Variants in MAGI2 observed in about 807,000 individuals in gnomAD.
MAGI2 encodes membrane-associated guanylate kinase, WW and PDZ domain-containing protein 2.
Under a neutral mutation model 133.3 loss-of-function variants are expected in MAGI2, and 35 were observed. The ratio of observed to expected loss-of-function variants is 0.26; its 90% CI spans 0.20 to 0.35. The LOEUF is 0.35. Ranked by LOEUF, MAGI2 falls within the 10% of genes least tolerant of loss-of-function variation. The pLI is 1.00. For synonymous variants in MAGI2, 729 were observed against 710.6 expected (o/e 1.03, Z -0.41); for missense variants, 1,636 against 1,863.4 (o/e 0.88, Z 2.25).
At chr7:78,734,785 C>T (rs1326558958) in intron 2 of MAGI2, among the ~76,000 whole-genome samples, 4 of 152,116 alleles carry the variant, frequency 2.6e-5, no homozygotes, top group Non-Finnish European at 5.9e-5. Flanking sequence ...CTAAGGGATG[C>T]CAACCAAGCC....
At chr7:78,048,908 A>G (rs1277186792) in intron 21 of MAGI2, among the ~76,000 whole-genome samples, 2 of 151,856 alleles carry the variant, frequency 1.3e-5, no homozygotes, top group Non-Finnish European at 2.9e-5. Context: ...GGAGATCGAG[A>G]CCATCCTGGC....
chr7:78,558,962 T>C (rs1202267596), intron 3 of MAGI2, among the ~76,000 whole-genome samples: 1 of 150,336 alleles, frequency 6.7e-6, no homozygotes, highest in Non-Finnish European at 1.5e-5. Flanking sequence ...TAAATATACA[T>C]GAGACTAATT....
At chr7:78,765,393 G>A (rs999025712) in intron 2 of MAGI2, among the ~76,000 whole-genome samples, 3 of 116,514 alleles carry the variant, frequency 2.6e-5, no homozygotes, top group African/African-American at 1.0e-4. Context: ...TTGTCAACAA[G>A]GCTGGAGTAC....
chr7:79,449,244 T>C (rs1373548266), intron 1 of MAGI2, among the ~76,000 whole-genome samples: 1 of 152,100 alleles, frequency 6.6e-6, no homozygotes, highest in Admixed American at 6.5e-5. Flanking sequence ...CTACTTTCCT[T>C]TGAAGGTATC....
intron 9 of MAGI2, among the ~76,000 whole-genome samples, chr7:78,335,065 C>T (rs1172562649): frequency 6.6e-6 from 1 of 152,176 alleles, no homozygotes; most frequent in Admixed American, 6.5e-5. Flanking sequence ...GCTGCTTTCA[C>T]GATAGCAGAG....
chr7:78,911,149 T>C (rs912807864), intron 2 of MAGI2, among the ~76,000 whole-genome samples: 1 of 152,226 alleles, frequency 6.6e-6, no homozygotes, highest in Non-Finnish European at 1.5e-5. Context: ...CCATGATTAC[T>C]GCAAGCTCAG....
At chr7:79,078,565 C>T (rs1295963497) in intron 1 of MAGI2, among the ~76,000 whole-genome samples, 1 of 152,148 alleles carries the variant, frequency 6.6e-6, no homozygotes, top group Non-Finnish European at 1.5e-5. Flanking sequence ...AATACTTTCT[C>T]TAGGTTGTTG....
chr7:79,087,698 T>C (rs1816654082), intron 1 of MAGI2, among the ~76,000 whole-genome samples: 1 of 152,100 alleles, frequency 6.6e-6, no homozygotes, highest in Admixed American at 6.6e-5. Flanking sequence ...GGGTCCAGTT[T>C]CAGTTTTCTG....
chr7:78,120,117 AAGTGGCC>A (rs1282096817), intron 20 of MAGI2, among the ~76,000 whole-genome samples: 1 of 152,236 alleles, frequency 6.6e-6, no homozygotes, highest in Non-Finnish European at 1.5e-5. Flanking sequence ...GAAACTTGAC[AAGTGGCC>A]GGGCACAGTG....
At chr7:79,103,881 T>C (rs1224143906) in intron 1 of MAGI2, among the ~76,000 whole-genome samples, 2 of 151,882 alleles carry the variant, frequency 1.3e-5, no homozygotes, top group African/African-American at 4.8e-5. Context: ...TTTTATATTT[T>C]TAGTAGAGAC....
intron 2 of MAGI2, among the ~76,000 whole-genome samples, chr7:78,931,621 C>T (rs530187005): frequency 1.3e-4 from 20 of 152,118 alleles, no homozygotes; most frequent in African/African-American, 4.8e-4. Context: ...TTGTCAACCT[C>T]AGAATAGCCT....
chr7:78,038,129 A>G (rs1455526211), intron 21 of MAGI2, among the ~76,000 whole-genome samples: 1 of 151,984 alleles, frequency 6.6e-6, no homozygotes, highest in African/African-American at 2.4e-5. Context: ...GTCTCCCTTT[A>G]CTAGACTATA....
intron 1 of MAGI2, among the ~76,000 whole-genome samples, chr7:79,012,789 T>C (rs1266374086): frequency 9.5e-5 from 1 of 10,574 alleles, no homozygotes; most frequent in Non-Finnish European, 1.7e-4. Flanking sequence ...TACCATAGAT[T>C]AATCTGTATT....
At chr7:78,128,994 T>C (rs1287949566) in intron 18 of MAGI2, among the ~76,000 whole-genome samples, 1 of 152,226 alleles carries the variant, frequency 6.6e-6, no homozygotes, top group Non-Finnish European at 1.5e-5. Context: ...TCAGTGTGTG[T>C]TGGTTCCTTT....
chr7:78,217,616 C>A (rs1239775630), intron 10 of MAGI2, among the ~76,000 whole-genome samples: 1 of 152,160 alleles, frequency 6.6e-6, no homozygotes, highest in Non-Finnish European at 1.5e-5. Context: ...GATGGCATCC[C>A]AGGCATGCAA....
intron 2 of MAGI2, among the ~76,000 whole-genome samples, chr7:78,721,576 T>G (rs1786026076): frequency 6.6e-6 from 1 of 152,154 alleles, no homozygotes; most frequent in East Asian, 1.9e-4. Context: ...AATTTGTGCT[T>G]ATCTTGAAAT....
intron 3 of MAGI2, among the ~76,000 whole-genome samples, chr7:78,592,500 GA>G (rs906858326): frequency 2.0e-5 from 3 of 151,284 alleles, no homozygotes; most frequent in African/African-American, 7.3e-5. Flanking sequence ...GGCAGTATTT[GA>G]AAAAAATAAG....
At chr7:78,052,444 G>A (rs1028240557) in intron 21 of MAGI2, among the ~76,000 whole-genome samples, 1 of 152,150 alleles carries the variant, frequency 6.6e-6, no homozygotes, top group Non-Finnish European at 1.5e-5. Flanking sequence ...GCCCTCACCA[G>A]AGGCAGATGC....
At chr7:78,087,449 G>A (rs1816758621) in intron 20 of MAGI2, among the ~76,000 whole-genome samples, 1 of 152,056 alleles carries the variant, frequency 6.6e-6, no homozygotes. Context: ...ATTAATCATA[G>A]TAGTTACAAT....
Sources: allele counts gnomAD v4.1 joint callset (sites outside exome capture counted in the v4.1 genomes callset), GRCh38; gene constraint gnomAD v4.1.1; transcripts MANE v1.5; gene names NCBI Gene and HGNC (gene_info 2026-07-23, HGNC 2026-07-21).